The following MAD1L1 variants were observed in gnomAD, a reference collection of about 807,000 sequenced individuals.
MAD1L1 encodes the protein mitotic arrest deficient 1 like 1.
In MAD1L1, 95 loss-of-function variants were observed where a neutral mutation model predicts 96.9. That is an observed-to-expected ratio of 0.98 (90% CI 0.83 to 1.16). The LOEUF is 1.16. MAD1L1 is among the 50% of genes most tolerant of loss of function. The pLI is 0.00. For missense variants in MAD1L1, 1,007 were observed against 954.4 expected, an observed-to-expected ratio of 1.06 and a Z score of -0.73; for synonymous variants, 473 against 396.6, an observed-to-expected ratio of 1.19 and a Z score of -2.29.
At chr7:1,902,215 G>A (rs1037560058) in intron 17 of MAD1L1, among the ~76,000 whole-genome samples, 1 of 152,216 alleles carries the variant, frequency 6.6e-6, no homozygotes, top group African/African-American at 2.4e-5. Flanking sequence ...GAAGAGGACA[G>A]AATAAAAATA....
Position 2,093,690 on chromosome 7 carries a change from G to A in MAD1L1, c.1074-24352C>T, listed in dbSNP as rs188252203. The stretch of plus-strand genomic sequence containing the variant: ...AAGCAGATCCGGCGAACCTAGAAGA[G>A]GAAGTGGCCCCCAAGACAGCTCCGT... On this transcript the variant is annotated intron_variant, in intron 11 of 18. Transcript: ENST00000265854. 1.5e-3 allele frequency among the ~76,000 whole-genome samples: 225 copies of A among 152,312 alleles called. 2 individuals carry two copies. Among genetic ancestry groups the A allele is most frequent in the African/African-American group, 5.3e-3 (219 of 41,564 alleles).
chr7:1,866,520 G>A (rs1028328264), intron 18 of MAD1L1, among the ~76,000 whole-genome samples: 1 of 152,196 alleles, frequency 6.6e-6, no homozygotes, highest in African/African-American at 2.4e-5. Context: ...GAGACACGAG[G>A]GTGCACTGTG....
intron 18 of MAD1L1, among the ~76,000 whole-genome samples, chr7:1,863,281 G>GA (rs1222576542): frequency 1.3e-5 from 2 of 152,272 alleles, no homozygotes; most frequent in Non-Finnish European, 2.9e-5. Context: ...GGGCAGGGAG[G>GA]AAGGCCTGGG....
At chr7:1,885,118 T>A (rs1785930794) in intron 18 of MAD1L1, among the ~76,000 whole-genome samples, 1 of 152,074 alleles carries the variant, frequency 6.6e-6, no homozygotes. Context: ...AGAGGCCCTG[T>A]GGTAGAGTCA....
intron 15 of MAD1L1, among the ~76,000 whole-genome samples, chr7:1,975,822 C>T (rs2128481646): frequency 6.6e-6 from 1 of 152,216 alleles, no homozygotes; most frequent in Non-Finnish European, 1.5e-5. Context: ...CCTCCCGGGA[C>T]CCAGAAGACA....
chr7:1,944,536 G>A (rs1779142284), intron 16 of MAD1L1, among the ~76,000 whole-genome samples: 4 of 152,204 alleles, frequency 2.6e-5, no homozygotes. Flanking sequence ...GACAAGGGCT[G>A]AGAGGGGCTG....
intron 11 of MAD1L1, among the ~76,000 whole-genome samples, chr7:2,070,121 G>A (rs1358759489): frequency 6.6e-6 from 1 of 152,240 alleles, no homozygotes; most frequent in Non-Finnish European, 1.5e-5. Flanking sequence ...GAGCTTCCGA[G>A]TTCGTGGCCT....
chr7:2,100,392 C>T (rs1190313616), intron 11 of MAD1L1, among the ~76,000 whole-genome samples: 3 of 152,242 alleles, frequency 2.0e-5, no homozygotes, highest in Non-Finnish European at 4.4e-5. Flanking sequence ...CGCTTCTGAG[C>T]GTGAAGCACC....
At chr7:1,903,472 C>A (rs1475635872) in intron 17 of MAD1L1, among the ~76,000 whole-genome samples, 1 of 145,076 alleles carries the variant, frequency 6.9e-6, no homozygotes, top group Non-Finnish European at 1.5e-5. Flanking sequence ...CTACTGAAGA[C>A]GCTCTTGCGG....
At chr7:1,918,492 C>T (rs553718177) in intron 17 of MAD1L1, among the ~76,000 whole-genome samples, 5 of 152,300 alleles carry the variant, frequency 3.3e-5, no homozygotes, top group African/African-American at 9.6e-5. Flanking sequence ...AGGCCCAGGC[C>T]GGGTCCACGG....
chr7:2,020,847 G>A (rs998198860), intron 12 of MAD1L1, among the ~76,000 whole-genome samples: 4 of 151,012 alleles, frequency 2.6e-5, no homozygotes, highest in African/African-American at 7.3e-5. Flanking sequence ...TAACTTAGAA[G>A]AAAATGTATT....
At chr7:1,917,083 G>A (rs1373355806) in intron 17 of MAD1L1, among the ~76,000 whole-genome samples, 1 of 152,176 alleles carries the variant, frequency 6.6e-6, no homozygotes, top group Non-Finnish European at 1.5e-5. Flanking sequence ...CCCACAGCTC[G>A]AGGTTGGTTA....
chr7:2,066,546 G>A (rs1470097068), intron 12 of MAD1L1, among the ~76,000 whole-genome samples: 5 of 152,204 alleles, frequency 3.3e-5, no homozygotes, highest in Admixed American at 6.5e-5. Flanking sequence ...TGAGGCTGGC[G>A]CGGGCCAGAA....
chr7:1,976,360 C>T (rs974659716), intron 15 of MAD1L1, among the ~76,000 whole-genome samples: 1 of 152,196 alleles, frequency 6.6e-6, no homozygotes, highest in South Asian at 2.1e-4. Flanking sequence ...CTGGTGGGTT[C>T]GTGGTCTTGC....
chr7:1,946,696 C>T (rs1157099013), intron 16 of MAD1L1, among the ~76,000 whole-genome samples: 1 of 152,216 alleles, frequency 6.6e-6, no homozygotes, highest in Non-Finnish European at 1.5e-5. Flanking sequence ...CAGGGCAGGT[C>T]CCCGGCCACT....
intron 18 of MAD1L1, among the ~76,000 whole-genome samples, chr7:1,835,521 A>C (rs1782900521): frequency 6.6e-6 from 1 of 152,268 alleles, no homozygotes; most frequent in Non-Finnish European, 1.5e-5. Flanking sequence ...GTAGCAACAG[A>C]AATTAAATGT....
Position 2,093,014 on chromosome 7 carries a change from G to C in MAD1L1, c.1074-23676C>G, listed in dbSNP as rs147818277. The stretch of plus-strand genomic sequence containing the variant: ...GTACTTTGGGAGGCTGAGGCGGGTG[G>C]ATCACGAGGTCAGGAGTTCAAGACC... On this transcript the variant is annotated intron_variant, in intron 11 of 18. Coordinates refer to ENST00000265854, the MANE Select transcript of MAD1L1 (RefSeq NM_001013836.2). Among the ~76,000 whole-genome samples, 1,057 of 151,764 alleles carry C rather than the reference G, an allele frequency of 7.0e-3. 15 individuals carry two copies. Among genetic ancestry groups the C allele is most frequent in the African/African-American group, 0.024 (1,005 of 41,346 alleles).
chr7:2,051,378 A>G (rs576710648), intron 12 of MAD1L1, among the ~76,000 whole-genome samples: 34 of 152,274 alleles, frequency 2.2e-4, no homozygotes, highest in Admixed American at 7.8e-4. Flanking sequence ...TCTCGTCCAT[A>G]ACCCACGTGG....
chr7:1,831,296 T>C (rs564237329), intron 18 of MAD1L1, among the ~76,000 whole-genome samples: 2 of 152,230 alleles, frequency 1.3e-5, no homozygotes, highest in African/African-American at 2.4e-5. Flanking sequence ...GATGTCACCA[T>C]TGTAATGGTT....
Sources: allele counts gnomAD v4.1 joint callset (sites outside exome capture counted in the v4.1 genomes callset), GRCh38; gene constraint gnomAD v4.1.1; transcripts MANE v1.5; gene names NCBI Gene and HGNC (gene_info 2026-07-23, HGNC 2026-07-21).